PLCH1: variants seen among roughly 807,000 people sequenced by gnomAD.
The protein encoded by PLCH1 is phospholipase C eta 1.
A neutral mutation model predicts 126.7 loss-of-function variants in PLCH1; 60 were observed. That is an observed-to-expected ratio of 0.47 (90% CI 0.38 to 0.59). PLCH1 has a LOEUF of 0.59. Among genes scored for constraint, PLCH1 ranks in the 20% least tolerant of loss-of-function variants. PLCH1 has a pLI of 0.00. For missense variants in PLCH1, 1,723 were observed against 2,040.0 expected, an observed-to-expected ratio of 0.84 and a Z score of 2.99; for synonymous variants, 719 against 734.9, an observed-to-expected ratio of 0.98 and a Z score of 0.35.
chr3:155,475,694 A>G (rs938977464), downstream of PLCH1, among the ~76,000 whole-genome samples: 1 of 152,176 alleles, frequency 6.6e-6, no homozygotes, highest in African/African-American at 2.4e-5. Context: ...ACTACATGCC[A>G]ATAAATTGGA....
chr3:155,547,552 A>G (rs1725522903), intron 10 of PLCH1, among the ~76,000 whole-genome samples: 1 of 151,886 alleles, frequency 6.6e-6, no homozygotes, highest in Admixed American at 6.6e-5. Context: ...ATATACCCAA[A>G]CGACTATAAA....
intron 1 of PLCH1, among the ~76,000 whole-genome samples, chr3:155,739,025 C>G (rs945671076): frequency 1.3e-5 from 2 of 152,158 alleles, no homozygotes; most frequent in Non-Finnish European, 2.9e-5. Flanking sequence ...TGAACGATGA[C>G]ATTCCTGAGC....
intron 2 of PLCH1, among the ~76,000 whole-genome samples, chr3:155,598,213 C>T (rs72997000): frequency 0.053 from 8,016 of 152,000 alleles, 440 homozygotes; most frequent in African/African-American, 0.13. Context: ...AAAATAAACA[C>T]ACAAACTTGA....
At chr3:155,608,726 C>T (rs780245174) in intron 2 of PLCH1, among the ~76,000 whole-genome samples, 3 of 152,290 alleles carry the variant, frequency 2.0e-5, no homozygotes, top group Middle Eastern at 3.4e-3. Flanking sequence ...AGCTCAGACC[C>T]GCCTGATCCT....
chr3:155,583,148 T>C (rs1223946404), intron 6 of PLCH1, among the ~76,000 whole-genome samples: 1 of 150,506 alleles, frequency 6.6e-6, no homozygotes, highest in Non-Finnish European at 1.5e-5. Context: ...TTTAAACTAA[T>C]ATTAATACAT....
Position 155,497,197 on chromosome 3 carries a change from TG to T in PLCH1, c.1894+122del, listed in dbSNP as rs1717165377. The T allele has an allele frequency of 4.6e-6, 3 of 646,426 alleles. No individual in the cohort carries two copies. The African/African-American group carries it at 5.5e-5, about 12-fold the overall frequency. The allele number at this position is 646,426 out of a possible 1,614,324, so 40.0% of individuals were successfully genotyped here. ...GCAGTGAGTTTCCTGACACTCAAAT[TG>T]GTTTCTACATAGTCCCAAAAATGTG... On this transcript the variant is annotated intron_variant, in intron 15 of 22. Coordinates refer to ENST00000460012, the MANE Select transcript of PLCH1 (RefSeq NM_014996.4).
At position 155,610,051 on chromosome 3, in the gene PLCH1, G is replaced by A. The variant is rs560221854; in HGVS notation, c.80-13673C>T. 2.0e-5 allele frequency among the ~76,000 whole-genome samples: 3 copies of A among 152,136 alleles called. No homozygotes were observed. In the East Asian group the frequency reaches 5.8e-4, roughly 29 times the overall value. ...ATATAAGAAGCTCAAAGAACACCCA[G>A]GAAATTAACTGCAAAAAGACCATCA... On this transcript the variant is annotated intron_variant, in intron 2 of 22. Coordinates refer to ENST00000460012, the MANE Select transcript of PLCH1 (RefSeq NM_014996.4).
intron 1 of PLCH1, among the ~76,000 whole-genome samples, chr3:155,732,813 TG>T (rs1446851213): frequency 1.4e-5 from 2 of 144,854 alleles, no homozygotes; most frequent in African/African-American, 2.6e-5. Flanking sequence ...AGGAGGTGGA[TG>T]TTGCAGTGAG....
At chr3:155,686,382 C>T (rs189190295) in intron 2 of PLCH1, among the ~76,000 whole-genome samples, 1 of 152,262 alleles carries the variant, frequency 6.6e-6, no homozygotes, top group East Asian at 1.9e-4. Context: ...GGAGCAATAT[C>T]CCTTGTTCAA....
chr3:155,459,501 G>A (rs1252673341), intron 21 of PLCH1, among the ~76,000 whole-genome samples: 2 of 152,224 alleles, frequency 1.3e-5, no homozygotes, highest in African/African-American at 4.8e-5. Flanking sequence ...GATTCACAAT[G>A]TAAATTAAAT....
At chr3:155,695,420 T>C (rs1360945609) in intron 2 of PLCH1, among the ~76,000 whole-genome samples, 1 of 152,102 alleles carries the variant, frequency 6.6e-6, no homozygotes, top group Non-Finnish European at 1.5e-5. Context: ...AAGAAGAGAG[T>C]TTACAGTCAG....
intron 10 of PLCH1, among the ~76,000 whole-genome samples, chr3:155,535,348 G>A (rs533524065): frequency 1.3e-5 from 2 of 152,344 alleles, no homozygotes; most frequent in South Asian, 4.1e-4. Flanking sequence ...GAGAGGTGGG[G>A]CCTGAAAGGC....
rs747050877 is a variant in PLCH1 at position 155,494,417 on chromosome 3, C to G, written c.1995G>C (p.Thr665=). 1.2e-6 allele frequency: 2 copies of G among 1,614,046 alleles called. No individual in the cohort carries two copies. Among genetic ancestry groups the G allele is most frequent in the Non-Finnish European group, 1.7e-6 (2 of 1,179,960 alleles). Residue 665 remains threonine, a synonymous_variant, in exon 16 of 23, where the codon ACG becomes ACC. Coordinates refer to ENST00000460012, the MANE Select transcript of PLCH1 (RefSeq NM_014996.4). ...QFMIYNQKQL[T]RIYPSAYRID... is the part of the protein sequence containing the mutation. ...TGCGGTAGGCAGAGGGGTAAATCCT[C>G]GTGAGTTGCTTTTGATTATAAATCA...
chr3:155,703,182 G>A (rs1463191419), intron 2 of PLCH1, among the ~76,000 whole-genome samples: 2 of 152,182 alleles, frequency 1.3e-5, no homozygotes, highest in Non-Finnish European at 2.9e-5. Context: ...GCTTAATAAA[G>A]TAAGGTTAAA....
intron 1 of PLCH1, among the ~76,000 whole-genome samples, chr3:155,744,161 G>A (rs1749815667): frequency 6.6e-6 from 1 of 152,192 alleles, no homozygotes; most frequent in African/African-American, 2.4e-5. Context: ...ACTGGGTTTA[G>A]GGGCTCGCGG....
At position 155,482,490 on chromosome 3, in the gene PLCH1, G is replaced by C; in HGVS notation, c.3536C>G (p.Thr1179Arg). The part of the protein sequence containing the change: ...ISHLIDNVTL[T>R]NENEPGSSIS... ...GGAACTGCCCGGCTCATTCTCATTT[G>C]TTAAAGTGACATTGTCAATAAGATG... is the stretch of plus-strand genomic sequence containing the variant. The change falls in exon 23 of 23, where the codon ACA becomes AGA. Residue 1179 changes from threonine (T) to arginine (R), a missense_variant. Thr to Arg is a moderately conservative substitution (Grantham distance 71). Coordinates refer to ENST00000460012, the MANE Select transcript of PLCH1 (RefSeq NM_014996.4). The C allele has an allele frequency of 5.6e-6, 9 of 1,614,106 alleles. No individual in the cohort carries two copies. The highest frequency in any genetic ancestry group is 7.6e-6 in the Non-Finnish European group (9 of 1,179,980).
At chr3:155,511,727 G>A (rs373165576) in intron 12 of PLCH1, among the ~76,000 whole-genome samples, 351 of 144,494 alleles carry the variant, frequency 2.4e-3, no homozygotes, top group East Asian at 0.013. Context: ...CTCCAGCTGC[G>A]TGCTGGGAGA....
At chr3:155,542,032 CGCAGGACAGTGGGT>C (rs1724334776) in intron 10 of PLCH1, among the ~76,000 whole-genome samples, 2 of 152,096 alleles carry the variant, frequency 1.3e-5, no homozygotes, top group African/African-American at 4.8e-5. Context: ...AGACAGTGGG[CGCAGGACAGTGGGT>C]GCAGTGCACC....
chr3:155,462,384 G>A (rs73874805), intron 21 of PLCH1, among the ~76,000 whole-genome samples: 8,524 of 152,194 alleles, frequency 0.056, 429 homozygotes, highest in African/African-American at 0.14. Context: ...TGAAGATGTG[G>A]GAAATAAGAA....
Sources: allele counts gnomAD v4.1 joint callset (sites outside exome capture counted in the v4.1 genomes callset), GRCh38; gene constraint gnomAD v4.1.1; transcripts MANE v1.5; gene names NCBI Gene and HGNC (gene_info 2026-07-23, HGNC 2026-07-21).